Variants in GAREM1 observed in about 807,000 individuals in gnomAD.
GAREM1 encodes GRB2 associated regulator of MAPK1 subtype 1, also known as GRB2-associated and regulator of MAPK protein 1.
Under a neutral mutation model 71.3 loss-of-function variants are expected in GAREM1, and 26 were observed. The observed-to-expected ratio is 0.36, with a 90% CI of 0.27 to 0.51. The LOEUF (loss-of-function observed/expected upper bound fraction) is 0.51. Among genes scored for constraint, GAREM1 ranks in the 20% least tolerant of loss-of-function variants. GAREM1 has a pLI of 0.95. For missense variants in GAREM1, 1,026 were observed against 1,103.1 expected (o/e 0.93, Z 0.99); for synonymous variants, 440 against 433.2 (o/e 1.02, Z -0.20).
intron 3 of GAREM1, among the ~76,000 whole-genome samples, chr18:32,306,150 A>G (rs972000667): frequency 1.3e-5 from 2 of 152,160 alleles, no homozygotes; most frequent in African/African-American, 4.8e-5. Context: ...GCTAAATTTC[A>G]TGGTTAGTTC....
intron 1 of GAREM1, among the ~76,000 whole-genome samples, chr18:32,424,087 G>C (rs1335718673): frequency 6.6e-6 from 1 of 151,850 alleles, no homozygotes; most frequent in Non-Finnish European, 1.5e-5. Context: ...AGTGAACTGA[G>C]ATCATGCTGC....
intron 2 of GAREM1, among the ~76,000 whole-genome samples, chr18:32,383,959 T>G (rs980807094): frequency 6.6e-6 from 1 of 152,170 alleles, no homozygotes; most frequent in Admixed American, 6.6e-5. Context: ...TATAGAGCAA[T>G]CTAGAAAAGC....
intron 3 of GAREM1, among the ~76,000 whole-genome samples, chr18:32,308,954 G>A (rs2047286333): frequency 6.7e-6 from 1 of 149,970 alleles, no homozygotes; most frequent in Non-Finnish European, 1.5e-5. Context: ...AAGAGTGTGG[G>A]TGGAATGACT....
At chr18:32,337,870 C>T (rs1032155304) in intron 2 of GAREM1, among the ~76,000 whole-genome samples, 6 of 152,166 alleles carry the variant, frequency 3.9e-5, no homozygotes, top group Non-Finnish European at 7.3e-5. Flanking sequence ...GACAGCATTT[C>T]TACCTTAACC....
At chr18:32,342,615 G>A (rs1192884555) in intron 2 of GAREM1, among the ~76,000 whole-genome samples, 1 of 152,152 alleles carries the variant, frequency 6.6e-6, no homozygotes, top group East Asian at 1.9e-4. Flanking sequence ...TTACTCTGCT[G>A]TACCAACTGC....
At chr18:32,428,473 A>T (rs1358129278) in intron 1 of GAREM1, among the ~76,000 whole-genome samples, 1 of 151,962 alleles carries the variant, frequency 6.6e-6, no homozygotes, top group African/African-American at 2.4e-5. Context: ...TTCTCGTGAG[A>T]TCTGGTTGTT....
At chr18:32,363,145 C>T (rs571225210) in intron 2 of GAREM1, among the ~76,000 whole-genome samples, 1 of 151,866 alleles carries the variant, frequency 6.6e-6, no homozygotes, top group Non-Finnish European at 1.5e-5. Flanking sequence ...ACCAAAGTTT[C>T]CCTAGCGAAT....
At chr18:32,268,841 G>C in intron 5 of GAREM1, 73 bp from the exon 6 acceptor site, 1 of 1,284,684 alleles carries the variant, frequency 7.8e-7, no homozygotes, top group South Asian at 1.4e-5. Flanking sequence ...GTTATTTATA[G>C]ACGTTACTGC....
Position 32,265,873 on chromosome 18 carries a change from T to A in GAREM1, c.*1998A>T, listed in dbSNP as rs936965266. 5 of 152,186 alleles carry A rather than the reference T, an allele frequency of 3.3e-5. No homozygotes were observed. The highest frequency in any genetic ancestry group is 1.2e-4 in the African/African-American group (5 of 41,422). The allele number at this position is 152,186 out of a possible 1,614,324, so 9.4% of individuals were successfully genotyped here. A position where few individuals can be genotyped will look rare whatever the true frequency, so the allele number is the denominator to read the frequency against. The stretch of plus-strand genomic sequence containing the variant: ...GAAAACTTGCAGCTTAGTAACTGCA[T>A]CTTGTCTGTTTTTATTTTAAAAAGA... On this transcript the variant is annotated 3_prime_UTR_variant, in exon 6 of 6. Coordinates refer to ENST00000269209, the MANE Select transcript of GAREM1 (RefSeq NM_001242409.2).
intron 2 of GAREM1, among the ~76,000 whole-genome samples, chr18:32,339,329 C>T (rs1194121655): frequency 6.6e-6 from 1 of 152,196 alleles, no homozygotes; most frequent in African/African-American, 2.4e-5. Context: ...AGCACACCTA[C>T]CATGATTCTT....
rs138893577 is a variant in GAREM1, at chr18:32,410,950, G to A, written c.122-17915C>T. Among the ~76,000 whole-genome samples, 4 of 152,184 alleles carry A rather than the reference G, an allele frequency of 2.6e-5. No homozygotes were observed. The East Asian group carries it at 7.8e-4, about 29-fold the overall frequency. ...CCCAAGTAGATGGGATTACAGGTGA[G>A]TGCCACCACGCCCAGCTAATTTTTG... On this transcript the variant is annotated intron_variant, in intron 1 of 5. Transcript: ENST00000269209.
rs1012057051 is a variant in GAREM1, at chr18:32,470,034, G to A, written c.121+274C>T. On this transcript the variant is annotated intron_variant, in intron 1 of 5. Transcript: ENST00000269209. This position sits in a 1 kb window ranked among gnomAD's most constrained non-coding sequence, Gnocchi z 4.4. Reference sequence around the variant, plus strand: ...GTGGGGAGGGATATCTGGCGTCCAAGATTACGATCTGCAGAGGTCTCCCTA... The same window carrying A: ...GTGGGGAGGGATATCTGGCGTCCAAAATTACGATCTGCAGAGGTCTCCCTA... 8.5e-5 allele frequency among the ~76,000 whole-genome samples: 13 copies of A among 152,160 alleles called. No homozygotes were observed. Among genetic ancestry groups the A allele is most frequent in the Non-Finnish European group, 1.8e-4 (12 of 68,014 alleles).
intron 1 of GAREM1, among the ~76,000 whole-genome samples, chr18:32,420,771 T>G (rs1052192568): frequency 8.3e-6 from 1 of 120,012 alleles, no homozygotes; most frequent in African/African-American, 3.4e-5. Flanking sequence ...AAAAAAAAAA[T>G]AGAATCCCAA....
chr18:32,368,401 T>A (rs866025748), intron 2 of GAREM1, among the ~76,000 whole-genome samples: 1 of 152,236 alleles, frequency 6.6e-6, no homozygotes, highest in African/African-American at 2.4e-5. Flanking sequence ...CACTTCCATG[T>A]ACCTCTGGAT....
intron 1 of GAREM1, among the ~76,000 whole-genome samples, chr18:32,400,595 A>G (rs1242183820): frequency 6.6e-6 from 1 of 152,244 alleles, no homozygotes; most frequent in Non-Finnish European, 1.5e-5. Flanking sequence ...ACTGGCCATC[A>G]GAGACATGCA....
chr18:32,378,847 T>C (rs1417957102), intron 2 of GAREM1, among the ~76,000 whole-genome samples: 5 of 152,228 alleles, frequency 3.3e-5, no homozygotes, highest in Admixed American at 2.6e-4. Context: ...ACTTTACTTA[T>C]GCAATTTGCT....
At chr18:32,468,826 A>G (rs2049022002) in intron 1 of GAREM1, among the ~76,000 whole-genome samples, 4 of 152,184 alleles carry the variant, frequency 2.6e-5, no homozygotes, top group Non-Finnish European at 5.9e-5. Context: ...CAATATACAC[A>G]ATTTTGGAGG....
At chr18:32,459,322 C>A (rs979583100) in intron 1 of GAREM1, among the ~76,000 whole-genome samples, 2 of 151,580 alleles carry the variant, frequency 1.3e-5, no homozygotes, top group Non-Finnish European at 2.9e-5. Context: ...GTTGTATAAG[C>A]CGCTATTTTT....
chr18:32,364,186 C>G (rs1308463117), intron 2 of GAREM1, among the ~76,000 whole-genome samples: 2 of 150,240 alleles, frequency 1.3e-5, no homozygotes, highest in South Asian at 4.2e-4. Flanking sequence ...AGGAACCCAC[C>G]ACCACGCCCA....
Sources: allele counts gnomAD v4.1 joint callset (sites outside exome capture counted in the v4.1 genomes callset), GRCh38; gene constraint gnomAD v4.1.1; non-coding constraint Gnocchi (gnomAD v3.1); transcripts MANE v1.5; gene names NCBI Gene and HGNC (gene_info 2026-07-23, HGNC 2026-07-21).